CSMD1: variants seen among roughly 807,000 people sequenced by gnomAD.
CSMD1 encodes the protein CUB and Sushi multiple domains 1.
Under a neutral mutation model 417.5 loss-of-function variants are expected in CSMD1, and 213 were observed. The ratio of observed to expected loss-of-function variants is 0.51; its 90% CI spans 0.46 to 0.57. The LOEUF is 0.57. Among genes scored for constraint, CSMD1 ranks in the 20% least tolerant of loss-of-function variants. CSMD1 has a pLI of 0.00. For missense variants in CSMD1, 6,923 were observed against 4,529.7 expected, an observed-to-expected ratio of 1.53 and a Z score of -15.17; for synonymous variants, 2,862 against 1,736.8, an observed-to-expected ratio of 1.65 and a Z score of -16.11.
chr8:3,688,186 T>C (rs904550828), intron 7 of CSMD1, among the ~76,000 whole-genome samples: 2 of 152,206 alleles, frequency 1.3e-5, no homozygotes, highest in African/African-American at 4.8e-5. Flanking sequence ...GGGCATAAAT[T>C]GGACACAATG....
At chr8:2,986,871 T>C (rs1244585389) in intron 54 of CSMD1, among the ~76,000 whole-genome samples, 1 of 152,098 alleles carries the variant, frequency 6.6e-6, no homozygotes, top group African/African-American at 2.4e-5. Context: ...GAAATATTAA[T>C]TTGGTGCAAA....
chr8:3,949,816 G>A, intron 5 of CSMD1: 1 of 432,386 alleles, frequency 2.3e-6, no homozygotes, highest in Non-Finnish European at 4.6e-6. Flanking sequence ...CTGGGGCAAT[G>A]ACCTGCTTCC....
At chr8:4,301,567 T>C (rs1339773582) in intron 3 of CSMD1, among the ~76,000 whole-genome samples, 1 of 152,238 alleles carries the variant, frequency 6.6e-6, no homozygotes, top group Non-Finnish European at 1.5e-5. Context: ...AAGTGGAAAG[T>C]CTGCTCAATT....
intron 1 of CSMD1, among the ~76,000 whole-genome samples, chr8:4,798,420 G>A (rs1339563443): frequency 1.3e-5 from 2 of 151,956 alleles, no homozygotes; most frequent in Non-Finnish European, 2.9e-5. Flanking sequence ...AATTTTTAAG[G>A]GAGATATTTT....
chr8:4,484,358 G>A (rs1365539281), intron 2 of CSMD1, among the ~76,000 whole-genome samples: 1 of 152,140 alleles, frequency 6.6e-6, no homozygotes, highest in African/African-American at 2.4e-5. Flanking sequence ...AAAGAGAAAG[G>A]TGGGGTTTAC....
chr8:4,641,861 T>C (rs926628614), intron 1 of CSMD1, among the ~76,000 whole-genome samples: 1 of 152,134 alleles, frequency 6.6e-6, no homozygotes, highest in African/African-American at 2.4e-5. Context: ...GAAAAAAAAG[T>C]GAAAGTATTA....
At chr8:3,787,572 G>C (rs914124863) in intron 5 of CSMD1, among the ~76,000 whole-genome samples, 1 of 152,036 alleles carries the variant, frequency 6.6e-6, no homozygotes, top group Non-Finnish European at 1.5e-5. Context: ...AGATTTTCCA[G>C]GTACCTTAAT....
At chr8:3,435,089 G>T (rs183405914) in intron 12 of CSMD1, among the ~76,000 whole-genome samples, 15 of 152,234 alleles carry the variant, frequency 9.9e-5, no homozygotes, top group African/African-American at 2.4e-5. Flanking sequence ...GCAATCCATG[G>T]AAGAGAGACG....
At chr8:3,770,394 T>C (rs767928070) in intron 5 of CSMD1, among the ~76,000 whole-genome samples, 2 of 152,192 alleles carry the variant, frequency 1.3e-5, no homozygotes, top group South Asian at 2.1e-4. Flanking sequence ...CCAGGCACGG[T>C]GGTGCGTGCC....
intron 2 of CSMD1, among the ~76,000 whole-genome samples, chr8:4,550,766 G>C (rs976397090): frequency 6.6e-6 from 1 of 152,118 alleles, no homozygotes; most frequent in Non-Finnish European, 1.5e-5. Flanking sequence ...TCTGAGCCCG[G>C]AGGCAGTTTA....
At chr8:4,110,512 C>T (rs771830187) in intron 3 of CSMD1, among the ~76,000 whole-genome samples, 1 of 152,066 alleles carries the variant, frequency 6.6e-6, no homozygotes, top group African/African-American at 2.4e-5. Flanking sequence ...TTTCCCCTAG[C>T]GTGTGCAAGT....
At chr8:3,890,029 A>C (rs1029487918) in intron 5 of CSMD1, among the ~76,000 whole-genome samples, 1 of 152,008 alleles carries the variant, frequency 6.6e-6, no homozygotes, top group African/African-American at 2.4e-5. Flanking sequence ...AAATATAAAC[A>C]TTTTTTTAAA....
At chr8:3,369,617 G>A (rs1302525971) in intron 18 of CSMD1, among the ~76,000 whole-genome samples, 3 of 152,122 alleles carry the variant, frequency 2.0e-5, no homozygotes. Context: ...AGGAGAGCTG[G>A]AACCTGCATT....
intron 1 of CSMD1, among the ~76,000 whole-genome samples, chr8:4,638,011 T>G (rs1802945417): frequency 6.6e-6 from 1 of 152,184 alleles, no homozygotes; most frequent in African/African-American, 2.4e-5. Context: ...GCACAAATAT[T>G]GAAGGATAAA....
intron 1 of CSMD1, among the ~76,000 whole-genome samples, chr8:4,789,790 G>A (rs1008182722): frequency 4.6e-5 from 7 of 152,170 alleles, no homozygotes; most frequent in Non-Finnish European, 7.3e-5. Flanking sequence ...GTAATTTAGG[G>A]AAGAGATGCC....
Position 3,468,782 on chromosome 8 carries a change from G to C in CSMD1, c.1491C>G (p.Ser497Arg). The change falls in exon 12 of 70, where the codon AGC becomes AGG. Residue 497 changes from serine (S) to arginine (R), a missense_variant. Coordinates refer to ENST00000635120, the MANE Select transcript of CSMD1 (RefSeq NM_033225.6). ...SSVPDLIVSM[S>R]NQMWLHLQSD... ...ACTGCAGATGTAGCCACATCTGGTT[G>C]CTCATGCTCACAATGAGGTCAGGAA... 1.2e-6 allele frequency: 2 copies of C among 1,605,188 alleles called. No homozygotes were observed. The highest frequency in any genetic ancestry group is 1.3e-5 in the African/African-American group (1 of 74,938).
At chr8:3,219,666 G>A (rs951892814) in intron 28 of CSMD1, among the ~76,000 whole-genome samples, 4 of 152,162 alleles carry the variant, frequency 2.6e-5, no homozygotes, top group Admixed American at 6.5e-5. Flanking sequence ...TTACCATCAT[G>A]TTCAATACAA....
chr8:4,055,294 A>G (rs537870361), intron 3 of CSMD1, among the ~76,000 whole-genome samples: 5 of 152,142 alleles, frequency 3.3e-5, no homozygotes, highest in Non-Finnish European at 5.9e-5. Flanking sequence ...GTTTTTCTCT[A>G]GAAAGATTCC....
chr8:3,580,981 ACT>A (rs1800358263), intron 9 of CSMD1, among the ~76,000 whole-genome samples: 1 of 152,176 alleles, frequency 6.6e-6, no homozygotes, highest in African/African-American at 2.4e-5. Context: ...TTATTCCCTG[ACT>A]CTGCCTGGCT....
Sources: gnomAD v4.1 joint callset for allele counts (sites outside exome capture counted in the v4.1 genomes callset) on GRCh38, gnomAD v4.1.1 for gene constraint, MANE v1.5 for transcripts, NCBI Gene and HGNC (gene_info 2026-07-23, HGNC 2026-07-21) for gene names.